BMERB1: variants seen among roughly 807,000 people sequenced by gnomAD.
BMERB1 encodes bMERB domain containing 1, also known as bMERB domain-containing protein 1.
BMERB1 carries 12 observed loss-of-function variants against 23.6 expected under a neutral mutation model. That is an observed-to-expected ratio of 0.51 (90% confidence interval 0.33 to 0.82). BMERB1 has a LOEUF of 0.82. BMERB1 is among the 40% of genes least tolerant of loss of function. The pLI is 0.03. For synonymous variants in BMERB1, 122 were observed against 96.6 expected, an observed-to-expected ratio of 1.26 and a Z score of -1.54; for missense variants, 247 against 255.4, an observed-to-expected ratio of 0.97 and a Z score of 0.22.
At chr16:15,452,694 C>T (rs564066042) in intron 1 of BMERB1, among the ~76,000 whole-genome samples, 5 of 152,298 alleles carry the variant, frequency 3.3e-5, no homozygotes, top group South Asian at 4.1e-4. Context: ...CTGCTGCTCG[C>T]GGGCAAGGGA....
At chr16:15,508,652 C>T (rs562566016) in intron 1 of BMERB1, among the ~76,000 whole-genome samples, 3 of 151,780 alleles carry the variant, frequency 2.0e-5, no homozygotes, top group Non-Finnish European at 1.5e-5. Context: ...GGCAAAACCC[C>T]ATCTCTACAA....
intron 1 of BMERB1, among the ~76,000 whole-genome samples, chr16:15,453,123 G>C (rs2051055759): frequency 6.6e-6 from 1 of 152,068 alleles, no homozygotes; most frequent in Non-Finnish European, 1.5e-5. Context: ...AGTGAGCTGA[G>C]ATCGCACCAC....
intron 1 of BMERB1, among the ~76,000 whole-genome samples, chr16:15,493,460 T>C (rs1417435353): frequency 6.6e-6 from 1 of 152,182 alleles, no homozygotes; most frequent in Admixed American, 6.5e-5. Flanking sequence ...ATTTTAATCT[T>C]TTTTTAAATC....
intron 2 of BMERB1, among the ~76,000 whole-genome samples, chr16:15,546,217 G>A (rs1053857158): frequency 6.6e-6 from 1 of 152,178 alleles, no homozygotes; most frequent in African/African-American, 2.4e-5. Flanking sequence ...GAGCCTGGGA[G>A]ATTGAGGCTG....
chr16:15,446,472 A>G (rs758056849), intron 1 of BMERB1, among the ~76,000 whole-genome samples: 7 of 152,214 alleles, frequency 4.6e-5, no homozygotes, highest in Non-Finnish European at 1.0e-4. Flanking sequence ...CATGTTTTAC[A>G]TGCATCCTCC....
At chr16:15,509,335 T>TG (rs1172348337) in intron 1 of BMERB1, among the ~76,000 whole-genome samples, 1,324 of 42,084 alleles carry the variant, frequency 0.031, 10 homozygotes, top group Non-Finnish European at 0.039. Context: ...GGAAGGGGGG[T>TG]GGGGGGGGAG....
intron 1 of BMERB1, among the ~76,000 whole-genome samples, chr16:15,512,578 C>T (rs948009029): frequency 6.6e-6 from 1 of 151,924 alleles, no homozygotes; most frequent in African/African-American, 2.4e-5. Flanking sequence ...GACCTCATCT[C>T]TACAAAAAGA....
chr16:15,520,567 TC>T (rs2051839281), intron 2 of BMERB1, among the ~76,000 whole-genome samples: 1 of 145,180 alleles, frequency 6.9e-6, no homozygotes, highest in Admixed American at 7.2e-5. Flanking sequence ...CACTACAAGC[TC>T]CACCTCCCGG....
At chr16:15,497,103 C>T (rs2051480636) in intron 1 of BMERB1, among the ~76,000 whole-genome samples, 1 of 152,082 alleles carries the variant, frequency 6.6e-6, no homozygotes, top group Non-Finnish European at 1.5e-5. Context: ...ACCAAAACAC[C>T]AGGGGATTCG....
At chr16:15,524,214 C>T (rs1029750430) in intron 2 of BMERB1, among the ~76,000 whole-genome samples, 4 of 152,064 alleles carry the variant, frequency 2.6e-5, no homozygotes, top group Admixed American at 1.3e-4. Flanking sequence ...TCACCATTGC[C>T]GGGGCCACTG....
chr16:15,568,193 A>G (rs888568575), intron 3 of BMERB1, 137 bp downstream of exon 3: 12 of 677,430 alleles, frequency 1.8e-5, no homozygotes, highest in African/African-American at 1.1e-4. Context: ...GTCAAACACA[A>G]CTTCGAGTCA....
chr16:15,522,703 C>G (rs1488901989), intron 2 of BMERB1, among the ~76,000 whole-genome samples: 4 of 152,104 alleles, frequency 2.6e-5, no homozygotes, highest in Non-Finnish European at 4.4e-5. Context: ...TCCCTTGTCC[C>G]CCTCGCAGGG....
At chr16:15,471,105 A>G (rs1598457046) in intron 1 of BMERB1, among the ~76,000 whole-genome samples, 1 of 151,974 alleles carries the variant, frequency 6.6e-6, no homozygotes, top group African/African-American at 2.4e-5. Context: ...CCAAAGTGCT[A>G]GGATTACAGG....
intron 1 of BMERB1, among the ~76,000 whole-genome samples, chr16:15,505,827 G>T (rs1055237895): frequency 6.6e-6 from 1 of 150,914 alleles, no homozygotes; most frequent in African/African-American, 2.4e-5. Flanking sequence ...GGCAGAGCTT[G>T]CAGTGAGCCA....
Position 15,587,104 on chromosome 16 carries a change from C to T in BMERB1, c.*275C>T, listed in dbSNP as rs2031168006. The stretch of plus-strand genomic sequence containing the variant: ...TATCCAAACACCAGGAAAGGTCCTC[C>T]CTCAAAAAAGCATATCTCCACTTCT... On this transcript the variant is annotated 3_prime_UTR_variant, in exon 6 of 6. Coordinates refer to ENST00000300006, the MANE Select transcript of BMERB1 (RefSeq NM_033201.3). 2 of 448,612 alleles carry T rather than the reference C, an allele frequency of 4.5e-6. No individual in the cohort carries two copies. Among genetic ancestry groups the T allele is most frequent in the South Asian group, 7.0e-5 (2 of 28,418 alleles). The allele number at this position is 448,612 out of a possible 1,614,324, so 27.8% of individuals were successfully genotyped here.
At chr16:15,521,443 C>G (rs1383520333) in intron 2 of BMERB1, among the ~76,000 whole-genome samples, 1 of 152,212 alleles carries the variant, frequency 6.6e-6, no homozygotes, top group East Asian at 1.9e-4. Flanking sequence ...GTGCTAAGCC[C>G]TTTACACACA....
intron 2 of BMERB1, among the ~76,000 whole-genome samples, chr16:15,545,059 GC>G (rs1310776408): frequency 6.6e-6 from 1 of 151,878 alleles, no homozygotes; most frequent in Non-Finnish European, 1.5e-5. Flanking sequence ...TGCAACCTCT[GC>G]CCCCCGGGTT....
intron 2 of BMERB1, among the ~76,000 whole-genome samples, chr16:15,549,210 G>T (rs1027822764): frequency 6.6e-6 from 1 of 152,050 alleles, no homozygotes; most frequent in South Asian, 2.1e-4. Flanking sequence ...ATGGTGGCTG[G>T]TGCCTGTAAT....
At chr16:15,556,514 T>A (rs2030262945) in intron 2 of BMERB1, among the ~76,000 whole-genome samples, 1 of 152,244 alleles carries the variant, frequency 6.6e-6, no homozygotes, top group South Asian at 2.1e-4. Context: ...TAAAGCGGGT[T>A]GTATCCTCTC....
Sources: allele counts gnomAD v4.1 joint callset (sites outside exome capture counted in the v4.1 genomes callset), GRCh38; gene constraint gnomAD v4.1.1; transcripts MANE v1.5; gene names NCBI Gene and HGNC (gene_info 2026-07-23, HGNC 2026-07-21).